PTPRN2: variants seen among roughly 807,000 people sequenced by gnomAD.
The protein encoded by PTPRN2 is protein tyrosine phosphatase receptor type N2.
A neutral mutation model predicts 118.8 loss-of-function variants in PTPRN2; 74 were observed. The ratio of observed to expected loss-of-function variants is 0.62; its 90% confidence interval spans 0.52 to 0.76. The LOEUF (loss-of-function observed/expected upper bound fraction) is 0.76, where lower values mean the gene tolerates loss of function less well. Among genes scored for constraint, PTPRN2 ranks in the 30% least tolerant of loss-of-function variants. PTPRN2 has a pLI of 0.00. For synonymous variants in PTPRN2, 641 were observed against 608.0 expected (o/e 1.05, Z -0.80); for missense variants, 1,481 against 1,394.4 (o/e 1.06, Z -0.99).
intron 11 of PTPRN2, among the ~76,000 whole-genome samples, chr7:157,989,896 C>G (rs1370097123): frequency 6.6e-6 from 1 of 152,114 alleles, no homozygotes; most frequent in East Asian, 1.9e-4. Flanking sequence ...CATCCCACCC[C>G]GCCCTGCCCA....
chr7:158,049,205 C>T (rs1042710412), intron 11 of PTPRN2, among the ~76,000 whole-genome samples: 4 of 52,840 alleles, frequency 7.6e-5, no homozygotes, highest in African/African-American at 1.3e-4. Flanking sequence ...TCACTATCAT[C>T]ATCATCATCA....
chr7:158,081,351 T>C lies in PTPRN2; in HGVS notation c.1670A>G (p.Lys557Arg). 1 of 1,614,186 alleles carries C rather than the reference T, an allele frequency of 6.2e-7. No homozygotes were observed. Among genetic ancestry groups the C allele is most frequent in the Middle Eastern group, 1.6e-4 (1 of 6,062 alleles). ...VEVLGPAVTF[K>R]VSANVQNVTT... ...CACGTTTTGGACATTGGCGCTCACT[T>C]TGAAGGTCACTGCTGGTCCGAGAAC... Residue 557 changes from lysine (K) to arginine (R), a missense_variant, in exon 11 of 23, where the codon AAA becomes AGA. Transcript: ENST00000389418.
chr7:158,111,049 C>G (rs747470924), intron 9 of PTPRN2, 134 bp from the exon 10 acceptor site: 2 of 723,408 alleles, frequency 2.8e-6, no homozygotes, highest in Non-Finnish European at 2.3e-6. Flanking sequence ...GGTCAGCTGC[C>G]CCCTCAGGCA....
At chr7:158,558,660 G>T (rs894720908) in intron 1 of PTPRN2, among the ~76,000 whole-genome samples, 1 of 149,736 alleles carries the variant, frequency 6.7e-6, no homozygotes, top group Non-Finnish European at 1.5e-5. Context: ...CAGGGAAAGA[G>T]TCTCCATAAT....
intron 5 of PTPRN2, among the ~76,000 whole-genome samples, chr7:158,169,593 G>A (rs1255966552): frequency 6.6e-6 from 1 of 150,956 alleles, no homozygotes; most frequent in Admixed American, 6.6e-5. Flanking sequence ...GTTGAATTAG[G>A]TTCTGATTTC....
intron 13 of PTPRN2, among the ~76,000 whole-genome samples, chr7:157,680,985 C>T (rs1047111766): frequency 1.3e-5 from 2 of 152,080 alleles, no homozygotes; most frequent in African/African-American, 4.8e-5. Flanking sequence ...AATTTTCCTG[C>T]TGGAAGGGCA....
At chr7:158,333,533 T>C (rs11773278) in intron 2 of PTPRN2, among the ~76,000 whole-genome samples, 16,072 of 72,472 alleles carry the variant, frequency 0.22, no homozygotes, top group Middle Eastern at 0.32. Flanking sequence ...GACCTGACAC[T>C]CGCAGACGTC....
At chr7:158,507,482 T>C (rs1420546713) in intron 1 of PTPRN2, among the ~76,000 whole-genome samples, 1 of 149,378 alleles carries the variant, frequency 6.7e-6, no homozygotes, top group African/African-American at 2.5e-5. Flanking sequence ...TGAAGGTCAG[T>C]GAGGAACATC....
At chr7:158,157,005 C>G (rs1326296496) in intron 6 of PTPRN2, among the ~76,000 whole-genome samples, 1 of 151,354 alleles carries the variant, frequency 6.6e-6, no homozygotes, top group African/African-American at 2.4e-5. Context: ...GTGGAGAGCA[C>G]CCCTGTTCCA....
rs560450074 is a variant in PTPRN2, at chr7:158,261,327, G to C, written c.277+55492C>G. ...CTTGGACAGGGCAAGGAGTCAGGGG[G>C]AGGGAGGTAACAGCCCCTGGGAAAT... is the stretch of plus-strand genomic sequence containing the variant. On this transcript the variant is annotated intron_variant, in intron 3 of 22. Transcript: ENST00000389418. Among the ~76,000 whole-genome samples the C allele has an allele frequency of 3.6e-5, 5 of 138,722 alleles. No homozygotes were observed. The South Asian group carries it at 1.1e-3, about 30-fold the overall frequency. 91.0% of individuals were successfully genotyped at this position (138,722 alleles called of 152,430 possible).
At chr7:157,681,303 T>C (rs1796905927) in intron 13 of PTPRN2, among the ~76,000 whole-genome samples, 1 of 152,260 alleles carries the variant, frequency 6.6e-6, no homozygotes, top group Non-Finnish European at 1.5e-5. Flanking sequence ...CCTGAAGACC[T>C]GGCATCCTAC....
At chr7:158,305,724 T>A (rs1481167232) in intron 3 of PTPRN2, among the ~76,000 whole-genome samples, 1 of 143,650 alleles carries the variant, frequency 7.0e-6, no homozygotes, top group African/African-American at 2.6e-5. Context: ...CACCCAAAAA[T>A]ATCAGAATCA....
At chr7:157,709,409 GTGA>G (rs1798487744) in intron 12 of PTPRN2, among the ~76,000 whole-genome samples, 1 of 152,222 alleles carries the variant, frequency 6.6e-6, no homozygotes, top group Admixed American at 6.5e-5. Flanking sequence ...GAGAGCCTAA[GTGA>G]GGTGTGTGGG....
rs1289614162 is a variant in PTPRN2, at chr7:158,159,737, CAG to C, written c.910+7192_910+7193del. Among the ~76,000 whole-genome samples, 6 of 152,258 alleles carry C rather than the reference CAG, an allele frequency of 3.9e-5. No homozygotes were observed. The South Asian group carries it at 8.3e-4, about 21-fold the overall frequency. On this transcript the variant is annotated intron_variant, in intron 6 of 22. Transcript: ENST00000389418. Reference sequence around the variant, plus strand: ...ATTTCCAAAACGCTTTCGCTGTCATCAGAGTCTTGAGCTGAAAGTATGGCATT... The same window carrying C: ...ATTTCCAAAACGCTTTCGCTGTCATCAGTCTTGAGCTGAAAGTATGGCATT...
At chr7:158,342,915 C>T (rs111635810) in intron 2 of PTPRN2, among the ~76,000 whole-genome samples, 202 of 152,178 alleles carry the variant, frequency 1.3e-3, no homozygotes, top group African/African-American at 4.6e-3. Flanking sequence ...GCTTCAAAAG[C>T]GAAGGAGAAC....
At chr7:158,287,208 A>G (rs1294449090) in intron 3 of PTPRN2, among the ~76,000 whole-genome samples, 1 of 151,874 alleles carries the variant, frequency 6.6e-6, no homozygotes. Flanking sequence ...TTCTCATTCC[A>G]CTTGACTTTT....
chr7:158,022,001 C>A lies in PTPRN2; in HGVS notation c.1723+59297G>T, dbSNP rs779650614. On this transcript the variant is annotated intron_variant, in intron 11 of 22. Coordinates refer to ENST00000389418, the MANE Select transcript of PTPRN2 (RefSeq NM_002847.5). The surrounding 1 kb of genome is among the most constrained non-coding windows in gnomAD (Gnocchi z 4.6). ...CTGCTACTGCCCTGGCTGAGCCGGG[C>A]AGCCTCGCCCATCCACCATGAGGCG... 6.6e-6 allele frequency among the ~76,000 whole-genome samples: 1 copy of A among 152,174 alleles called. No homozygotes were observed. Among genetic ancestry groups the A allele is most frequent in the Non-Finnish European group, 1.5e-5 (1 of 68,038 alleles).
intron 12 of PTPRN2, among the ~76,000 whole-genome samples, chr7:157,818,301 G>C (rs1806566440): frequency 6.6e-6 from 1 of 152,126 alleles, no homozygotes; most frequent in African/African-American, 2.4e-5. Context: ...TCATAGGGAG[G>C]GAAGGTGGAG....
At chr7:157,700,014 T>C (rs1202983784) in intron 12 of PTPRN2, among the ~76,000 whole-genome samples, 3 of 152,198 alleles carry the variant, frequency 2.0e-5, no homozygotes, top group Non-Finnish European at 4.4e-5. Flanking sequence ...CCTAATATGT[T>C]TCCATTCACA....
Sources: gnomAD v4.1 joint callset for allele counts (sites outside exome capture counted in the v4.1 genomes callset) on GRCh38, gnomAD v4.1.1 for gene constraint, Gnocchi (gnomAD v3.1) non-coding constraint, MANE v1.5 for transcripts, NCBI Gene and HGNC (gene_info 2026-07-23, HGNC 2026-07-21) for gene names.